The following PRH1 variants were observed in gnomAD, a reference collection of about 807,000 sequenced individuals.
The protein encoded by PRH1 is salivary acidic proline-rich phosphoprotein 1/2.
A neutral mutation model predicts 7.9 loss-of-function variants in PRH1; 7 were observed. The ratio of observed to expected loss-of-function variants is 0.89; its 90% CI spans 0.50 to 1.67. PRH1 has a LOEUF of 1.67. Among genes scored for constraint, PRH1 ranks in the 40% most tolerant of loss-of-function variants. The pLI, the probability that PRH1 is intolerant of heterozygous loss-of-function variation, is 0.00. For missense variants in PRH1, 109 were observed against 223.6 expected (o/e 0.49, Z 3.27); for synonymous variants, 45 against 80.8 (o/e 0.56, Z 2.38).
chr12:11,116,568 C>T (rs1195701091), downstream of PRH1, among the ~76,000 whole-genome samples: 2 of 151,970 alleles, frequency 1.3e-5, no homozygotes, highest in Non-Finnish European at 2.9e-5. Context: ...CTTCCAGGCT[C>T]ATTCTTGAAA....
At chr12:11,005,165 A>G (rs1320338075) in intron 1 of PRH1, among the ~76,000 whole-genome samples, 1 of 152,174 alleles carries the variant, frequency 6.6e-6, no homozygotes. Context: ...GTCTTTATGG[A>G]AAACATGATA....
chr12:10,911,860 A>G (rs964526943), intron 2 of PRH1, among the ~76,000 whole-genome samples: 5 of 152,158 alleles, frequency 3.3e-5, no homozygotes, highest in African/African-American at 4.8e-5. Context: ...TGTAAACCCC[A>G]TAACACCTTA....
At chr12:11,036,309 T>C (rs1476422662) in intron 1 of PRH1, among the ~76,000 whole-genome samples, 1 of 152,256 alleles carries the variant, frequency 6.6e-6, no homozygotes, top group Non-Finnish European at 1.5e-5. Context: ...CTGACATAAG[T>C]AGACTTTAAG....
At chr12:11,119,353 A>G (rs1592048982), downstream of PRH1, among the ~76,000 whole-genome samples, 1 of 152,142 alleles carries the variant, frequency 6.6e-6, no homozygotes, top group African/African-American at 2.4e-5. Context: ...GAGACCTACT[A>G]TTTGATACCA....
chr12:11,128,110 CAAA>C (rs71434172), intron 1 of PRH1, among the ~76,000 whole-genome samples: 18 of 100,566 alleles, frequency 1.8e-4, no homozygotes, highest in South Asian at 1.0e-3. Context: ...GACTCAGTCT[CAAA>C]AAAAAAAAAA....
chr12:10,918,610 C>T (rs1466415805), intron 2 of PRH1, among the ~76,000 whole-genome samples: 3 of 152,192 alleles, frequency 2.0e-5, no homozygotes, highest in African/African-American at 7.2e-5. Flanking sequence ...AAGTCCCCTA[C>T]AAAATGCATG....
At chr12:10,970,766 C>CA (rs1938774433) in intron 2 of PRH1, among the ~76,000 whole-genome samples, 1 of 151,938 alleles carries the variant, frequency 6.6e-6, no homozygotes, top group Non-Finnish European at 1.5e-5. Context: ...GGGCTTTCAC[C>CA]ATGTTGGCCA....
At chr12:10,981,875 T>G (rs1477714143) in intron 1 of PRH1, among the ~76,000 whole-genome samples, 1 of 151,410 alleles carries the variant, frequency 6.6e-6, no homozygotes, top group Non-Finnish European at 1.5e-5. Context: ...TTTTTTTTTT[T>G]TTTTTTACAG....
At chr12:11,012,574 T>C (rs923721862) in intron 1 of PRH1, among the ~76,000 whole-genome samples, 1 of 152,136 alleles carries the variant, frequency 6.6e-6, no homozygotes, top group East Asian at 1.9e-4. Context: ...ACTTTTCCTT[T>C]TTTGTTTTGA....
At chr12:10,982,518 G>C (rs762019806) in intron 1 of PRH1, among the ~76,000 whole-genome samples, 1 of 152,174 alleles carries the variant, frequency 6.6e-6, no homozygotes, top group Non-Finnish European at 1.5e-5. Context: ...ACACATTGTG[G>C]AGGAAAATCA....
At chr12:10,990,283 A>C (rs1939868821) in intron 1 of PRH1, among the ~76,000 whole-genome samples, 1 of 152,194 alleles carries the variant, frequency 6.6e-6, no homozygotes, top group Non-Finnish European at 1.5e-5. Flanking sequence ...AAATGAAACT[A>C]GATGCCTATT....
At chr12:10,969,440 T>G (rs1052938326) in intron 2 of PRH1, among the ~76,000 whole-genome samples, 2 of 152,184 alleles carry the variant, frequency 1.3e-5, no homozygotes, top group Non-Finnish European at 2.9e-5. Flanking sequence ...AGAGTGGGGC[T>G]TTAGCTGAGG....
intron 1 of PRH1, among the ~76,000 whole-genome samples, chr12:11,164,903 T>C (rs1947525867): frequency 6.6e-6 from 1 of 152,072 alleles, no homozygotes; most frequent in East Asian, 1.9e-4. Context: ...CCCAAAAACA[T>C]CCTTGACATT....
chr12:11,125,310 CTT>C (rs1428796928), intron 1 of PRH1, among the ~76,000 whole-genome samples: 2 of 151,528 alleles, frequency 1.3e-5, no homozygotes, highest in Admixed American at 6.6e-5. Context: ...AGAATACTCT[CTT>C]GTTGGCTGTT....
intron 1 of PRH1, among the ~76,000 whole-genome samples, chr12:11,039,799 G>A (rs1942628985): frequency 6.6e-6 from 1 of 152,188 alleles, no homozygotes; most frequent in Non-Finnish European, 1.5e-5. Context: ...TTGTTTACAA[G>A]CTCATTCATA....
At chr12:11,047,364 CCT>C (rs1472674191), upstream of PRH1, among the ~76,000 whole-genome samples, 8 of 150,402 alleles carry the variant, frequency 5.3e-5, no homozygotes, top group East Asian at 1.6e-3. Flanking sequence ...GTTTATATAC[CCT>C]GTTTACATTG....
In PRH1 at chr12:10,882,657, C is replaced by T. The variant is rs185009176; in HGVS notation, c.142G>A (p.Gly48Arg). The change falls in exon 3 of 4, where the codon GGA becomes AGA. Residue 48 changes from glycine (G) to arginine (R), a missense_variant. Physicochemically the swap from Gly to Arg is moderately radical, Grantham distance 125 (BLOSUM62 -2). This residue lies in a region of PRH1 where 60 missense variants were observed against 76.5 expected (regional missense o/e 0.78). Transcript: ENST00000543626. Reference protein sequence around the residue: ...SEQFLDEERQGPPLGGQQSQP... With the variant: ...SEQFLDEERQRPPLGGQQSQP... ...GATTGCTGTCCTCCCAAAGGTGGTC[C>T]CTGACGCTCCTCATCTAGGAACTGC... The T allele has an allele frequency of 7.1e-5, 114 of 1,603,280 alleles. No individual in the cohort carries two copies. In the African/African-American group the frequency reaches 1.3e-3, roughly 18 times the overall value.
chr12:10,927,500 C>T (rs564760206), intron 2 of PRH1, among the ~76,000 whole-genome samples: 1 of 152,284 alleles, frequency 6.6e-6, no homozygotes, highest in East Asian at 1.9e-4. Flanking sequence ...GAAGAATTGC[C>T]AATTAAGAAT....
At chr12:11,093,258 A>T (rs1828921639) in intron 1 of PRH1, among the ~76,000 whole-genome samples, 1 of 116,042 alleles carries the variant, frequency 8.6e-6, no homozygotes, top group African/African-American at 2.9e-5. Context: ...AAATACACAG[A>T]ATCCTAACTG....
Sources: gnomAD v4.1 joint callset for allele counts (sites outside exome capture counted in the v4.1 genomes callset) on GRCh38, gnomAD v4.1.1 for gene constraint, gnomAD v4.1.1 regional missense constraint, MANE v1.5 for transcripts, NCBI Gene and HGNC (gene_info 2026-07-23, HGNC 2026-07-21) for gene names.